PHKB: variants seen among roughly 807,000 people sequenced by gnomAD.
PHKB encodes phosphorylase kinase regulatory subunit beta.
A neutral mutation model predicts 152.1 loss-of-function variants in PHKB; 122 were observed. The ratio of observed to expected loss-of-function variants is 0.80; its 90% CI spans 0.69 to 0.93. The LOEUF (loss-of-function observed/expected upper bound fraction) is 0.93, where lower values mean the gene tolerates loss of function less well. Ranked by LOEUF, PHKB falls within the 40% of genes least tolerant of loss-of-function variation. PHKB has a pLI of 0.00. For missense variants in PHKB, 1,304 were observed against 1,328.4 expected, an observed-to-expected ratio of 0.98 and a Z score of 0.29; for synonymous variants, 436 against 464.9, an observed-to-expected ratio of 0.94 and a Z score of 0.80.
At chr16:47,585,500 C>T (rs1971920573) in intron 8 of PHKB, among the ~76,000 whole-genome samples, 1 of 152,138 alleles carries the variant, frequency 6.6e-6, no homozygotes, top group African/African-American at 2.4e-5. Flanking sequence ...TGTGGGTTCT[C>T]CTTGATGACT....
intron 30 of PHKB, among the ~76,000 whole-genome samples, chr16:47,698,867 C>T (rs1974200925): frequency 6.6e-6 from 1 of 151,990 alleles, no homozygotes; most frequent in Admixed American, 6.5e-5. Context: ...AGAGAGGAGG[C>T]ATAGACTCCA....
intron 1 of PHKB, among the ~76,000 whole-genome samples, chr16:47,489,859 G>C (rs908826408): frequency 6.6e-6 from 1 of 152,108 alleles, no homozygotes; most frequent in African/African-American, 2.4e-5. Flanking sequence ...AAAGAAAAAT[G>C]GATTCTTATT....
intron 26 of PHKB, among the ~76,000 whole-genome samples, chr16:47,675,313 G>C (rs1973707719): frequency 6.6e-6 from 1 of 151,980 alleles, no homozygotes; most frequent in Non-Finnish European, 1.5e-5. Flanking sequence ...GGTGATTCTG[G>C]GTAAAAAATG....
chr16:47,555,750 C>T lies in PHKB; in HGVS notation c.710+8202C>T, dbSNP rs1285982588. 3.9e-5 allele frequency among the ~76,000 whole-genome samples: 6 copies of T among 152,258 alleles called. No homozygotes were observed. The East Asian group carries it at 7.7e-4, about 20-fold the overall frequency. The stretch of plus-strand genomic sequence containing the variant: ...TCATGTTGGCTTAGGATTGACTTGG[C>T]GATGTGGGCTCGTTTTTGGTTCCAT... On this transcript the variant is annotated intron_variant, in intron 7 of 30. Transcript: ENST00000323584.
Position 47,461,428 on chromosome 16 carries a change from T to C in PHKB, c.76+2T>C, listed in dbSNP as rs1303617854. 5.6e-6 allele frequency: 9 copies of C among 1,612,998 alleles called. No homozygotes were observed. The South Asian group carries it at 9.9e-5, about 18-fold the overall frequency. On this transcript the variant is annotated splice_donor_variant, in intron 1 of 30. Transcript: ENST00000323584. LOFTEE classifies it high-confidence loss of function. ...GAAGAGCTCGGACCAAGCGCTCAGG[T>C]TTGGCTGGCTGGGGCGCCGCCCCCC...
At chr16:47,646,493 C>A (rs1597147751) in intron 16 of PHKB, among the ~76,000 whole-genome samples, 2 of 115,588 alleles carry the variant, frequency 1.7e-5, no homozygotes, top group African/African-American at 3.4e-5. Flanking sequence ...AACTAACCTG[C>A]ACAATGTGCA....
At chr16:47,515,969 C>G (rs547139459) in intron 6 of PHKB, among the ~76,000 whole-genome samples, 6 of 150,314 alleles carry the variant, frequency 4.0e-5, no homozygotes, top group Non-Finnish European at 8.8e-5. Flanking sequence ...TGCTCTGTCA[C>G]GGGGCTGGAG....
intron 15 of PHKB, 148 bp downstream of exon 15, chr16:47,641,238 T>C: frequency 2.1e-5 from 15 of 719,480 alleles, no homozygotes; most frequent in South Asian, 1.7e-4. Context: ...TTAATATCAC[T>C]TTAAATGACC....
At chr16:47,511,815 C>T (rs757803584) in intron 5 of PHKB, 43 bp downstream of exon 5, 1 of 1,258,702 alleles carries the variant, frequency 7.9e-7, no homozygotes, top group South Asian at 1.2e-5. Flanking sequence ...TATTATATAG[C>T]ATAGAACAGT....
intron 12 of PHKB, among the ~76,000 whole-genome samples, chr16:47,595,114 T>C (rs1302536798): frequency 1.3e-5 from 2 of 152,254 alleles, no homozygotes; most frequent in Non-Finnish European, 2.9e-5. Context: ...AGAAATAATG[T>C]ATTAAATTTT....
chr16:47,546,341 C>T (rs1408676499), intron 6 of PHKB, among the ~76,000 whole-genome samples: 2 of 152,180 alleles, frequency 1.3e-5, no homozygotes, highest in Non-Finnish European at 2.9e-5. Context: ...TTCTAACAGG[C>T]CCCTCAGCTG....
chr16:47,569,078 A>T (rs1217952773), intron 7 of PHKB, among the ~76,000 whole-genome samples: 1 of 152,154 alleles, frequency 6.6e-6, no homozygotes, highest in Admixed American at 6.5e-5. Context: ...CTTTGTTGAC[A>T]TTCTACCTCA....
At chr16:47,514,592 C>G (rs1024973229) in intron 5 of PHKB, among the ~76,000 whole-genome samples, 3 of 152,190 alleles carry the variant, frequency 2.0e-5, no homozygotes, top group African/African-American at 7.2e-5. Context: ...AATAGGTCTT[C>G]CCCACTCAGA....
intron 4 of PHKB, among the ~76,000 whole-genome samples, chr16:47,511,143 T>C (rs191126270): frequency 1.3e-5 from 2 of 152,212 alleles, no homozygotes; most frequent in East Asian, 1.9e-4. Flanking sequence ...GTAATGAGAG[T>C]ACAATATATA....
chr16:47,560,474 C>T (rs191293632), intron 7 of PHKB, among the ~76,000 whole-genome samples: 6 of 152,246 alleles, frequency 3.9e-5, no homozygotes, highest in East Asian at 1.9e-4. Flanking sequence ...AAAACAACCT[C>T]GAAAAAGAAC....
chr16:47,499,099 TA>T (rs1482318980), intron 2 of PHKB, among the ~76,000 whole-genome samples: 1 of 152,232 alleles, frequency 6.6e-6, no homozygotes, highest in African/African-American at 2.4e-5. Flanking sequence ...AAAATGTTCA[TA>T]AAAAATTATT....
At chr16:47,508,984 A>G (rs1446066169) in intron 4 of PHKB, among the ~76,000 whole-genome samples, 1 of 152,156 alleles carries the variant, frequency 6.6e-6, no homozygotes, top group African/African-American at 2.4e-5. Flanking sequence ...TTCCCCTGAC[A>G]TAGTGATTGA....
Position 47,557,322 on chromosome 16 carries a change from G to A in PHKB, c.710+9774G>A, listed in dbSNP as rs1971391872. On this transcript the variant is annotated intron_variant, in intron 7 of 30. Transcript: ENST00000323584. ...CATTACCATTCAGGACATAGGCATG[G>A]GCAAGGACTTCATGTCTAAAACACC... 5.3e-5 allele frequency among the ~76,000 whole-genome samples: 8 copies of A among 152,246 alleles called. No individual in the cohort carries two copies. The South Asian group carries it at 1.7e-3, about 32-fold the overall frequency.
chr16:47,587,854 A>G, intron 9 of PHKB, 91 bp downstream of exon 9: 1 of 962,064 alleles, frequency 1.0e-6, no homozygotes, highest in Non-Finnish European at 1.6e-6. Context: ...GTACTCTAAA[A>G]TGTTAGTGAT....
Sources: gnomAD v4.1 joint callset for allele counts (sites outside exome capture counted in the v4.1 genomes callset) on GRCh38, gnomAD v4.1.1 for gene constraint, MANE v1.5 for transcripts, NCBI Gene and HGNC (gene_info 2026-07-23, HGNC 2026-07-21) for gene names.